RPA3: variants seen among roughly 807,000 people sequenced by gnomAD.
RPA3 encodes the protein replication protein A3.
RPA3 carries 24 observed loss-of-function variants against 13.7 expected under a neutral mutation model. The ratio of observed to expected loss-of-function variants is 1.75; its 90% CI spans 1.27 to 2.46. RPA3 has a LOEUF of 2.46. Ranked by LOEUF, RPA3 falls within the 30% of genes most tolerant of loss-of-function variation. The pLI is 0.00. For missense variants in RPA3, 183 were observed against 151.0 expected, an observed-to-expected ratio of 1.21 and a Z score of -1.11; for synonymous variants, 59 against 51.2, an observed-to-expected ratio of 1.15 and a Z score of -0.65.
At chr7:7,716,824 T>TA (rs1189147037) in intron 1 of RPA3, among the ~76,000 whole-genome samples, 3 of 152,104 alleles carry the variant, frequency 2.0e-5, no homozygotes, top group Non-Finnish European at 2.9e-5. Context: ...CGGGCGCCCA[T>TA]AATCCCAGCT....
chr7:7,642,261 A>G (rs1043581374), intron 4 of RPA3, among the ~76,000 whole-genome samples: 1 of 128,244 alleles, frequency 7.8e-6, no homozygotes. Flanking sequence ...CAGCCTGCCA[A>G]GTAGCTGGGA....
At chr7:7,680,370 G>T (rs1442756318) in intron 4 of RPA3, among the ~76,000 whole-genome samples, 2 of 152,042 alleles carry the variant, frequency 1.3e-5, no homozygotes, top group Non-Finnish European at 1.5e-5. Flanking sequence ...TTTATTCCTG[G>T]GTTCTGTATT....
intron 2 of RPA3, among the ~76,000 whole-genome samples, chr7:7,697,229 G>C (rs1054092747): frequency 6.6e-6 from 1 of 152,094 alleles, no homozygotes; most frequent in African/African-American, 2.4e-5. Flanking sequence ...AGTCCTGATT[G>C]GCTTTCTGAA....
chr7:7,718,436 T>C (rs1242701953), intron 1 of RPA3, 79 bp downstream of exon 1: 2 of 152,196 alleles, frequency 1.3e-5, no homozygotes, highest in Admixed American at 6.5e-5. Context: ...AACTTGACTA[T>C]GTGTGTCTTC....
chr7:7,654,858 G>A (rs1239875741), intron 4 of RPA3, among the ~76,000 whole-genome samples: 1 of 149,464 alleles, frequency 6.7e-6, no homozygotes, highest in African/African-American at 2.5e-5. Context: ...AGCCAAGATT[G>A]TGCCCCTGTA....
intron 1 of RPA3, 73 bp from the exon 2 acceptor site, chr7:7,715,299 A>T (rs565161136): frequency 1.3e-5 from 2 of 151,904 alleles, no homozygotes; most frequent in Non-Finnish European, 2.9e-5. Flanking sequence ...CAGTTTCATC[A>T]ATGATCTTGG....
intron 2 of RPA3, among the ~76,000 whole-genome samples, chr7:7,688,832 T>C (rs1780101276): frequency 6.6e-6 from 1 of 152,200 alleles, no homozygotes; most frequent in South Asian, 2.1e-4. Context: ...ATATTGTTAA[T>C]AGCTTTTGTA....
chr7:7,692,349 C>T (rs951273658), intron 2 of RPA3: 1 of 152,060 alleles, frequency 6.6e-6, no homozygotes, highest in Non-Finnish European at 1.5e-5. Context: ...CTCCTGCAGA[C>T]CACGTGGTAG....
intron 4 of RPA3, among the ~76,000 whole-genome samples, chr7:7,656,683 A>G (rs934095211): frequency 1.3e-5 from 2 of 152,162 alleles, no homozygotes; most frequent in Admixed American, 6.5e-5. Context: ...TCCATGGTGT[A>G]TATGTGCCAC....
chr7:7,699,698 A>G (rs1487432852), intron 2 of RPA3, among the ~76,000 whole-genome samples: 8 of 152,220 alleles, frequency 5.3e-5, no homozygotes, highest in Non-Finnish European at 1.0e-4. Context: ...GAGGGCAGAT[A>G]TATTTTTCAA....
chr7:7,662,864 TATA>T (rs552875986), intron 4 of RPA3, among the ~76,000 whole-genome samples: 178 of 152,320 alleles, frequency 1.2e-3, no homozygotes, highest in African/African-American at 3.9e-3. Context: ...AAAAGAAAGA[TATA>T]ATGATTTTGT....
chr7:7,644,494 C>T (rs1490930380), intron 4 of RPA3, among the ~76,000 whole-genome samples: 1 of 151,944 alleles, frequency 6.6e-6, no homozygotes, highest in Non-Finnish European at 1.5e-5. Context: ...TTCTATTTTT[C>T]CTAAAATGTT....
rs527372857 is a variant in RPA3 at position 7,648,616 on chromosome 7, C to T, written c.-757-7441G>A. On this transcript the variant is annotated intron_variant, in intron 4 of 7. Transcript: ENST00000223129. ...CTGTAATCCCAGCACTTTGGGAGGCCGAGGCAGGTAGATCCCTTGAATTCA... is the reference window on the plus strand; with the variant it reads ...CTGTAATCCCAGCACTTTGGGAGGCTGAGGCAGGTAGATCCCTTGAATTCA... 4.6e-5 allele frequency among the ~76,000 whole-genome samples: 7 copies of T among 152,000 alleles called. No individual in the cohort carries two copies. In the South Asian group the frequency reaches 6.2e-4, roughly 14 times the overall value.
chr7:7,642,261 A>C (rs1043581374), intron 4 of RPA3, among the ~76,000 whole-genome samples: 1 of 128,244 alleles, frequency 7.8e-6, no homozygotes, highest in Non-Finnish European at 1.6e-5. Context: ...CAGCCTGCCA[A>C]GTAGCTGGGA....
rs139256845 is a variant in RPA3 at position 7,674,335 on chromosome 7, A to G, written c.-758+11495T>C. Reference sequence around the variant, plus strand: ...GACTGGCATCTGCTAGCATCAGCCAATGCTCTGTAGGCTTTGAGAAATAAG... The same window carrying G: ...GACTGGCATCTGCTAGCATCAGCCAGTGCTCTGTAGGCTTTGAGAAATAAG... On this transcript the variant is annotated intron_variant, in intron 4 of 7. Transcript: ENST00000223129. 1.2e-4 allele frequency among the ~76,000 whole-genome samples: 19 copies of G among 152,334 alleles called. No homozygotes were observed. In the East Asian group the frequency reaches 3.7e-3, roughly 29 times the overall value.
chr7:7,673,575 A>T, intron 4 of RPA3: 1 of 618,766 alleles, frequency 1.6e-6, no homozygotes, highest in Middle Eastern at 3.9e-4. Flanking sequence ...TATGTGTTTA[A>T]TTTTTAAAGC....
At chr7:7,695,626 C>T (rs1483517166) in intron 2 of RPA3, among the ~76,000 whole-genome samples, 1 of 152,142 alleles carries the variant, frequency 6.6e-6, no homozygotes. Context: ...AATTTCTACT[C>T]ACAGGATCTG....
At chr7:7,644,783 C>CG (rs1424271105) in intron 4 of RPA3, among the ~76,000 whole-genome samples, 1 of 152,030 alleles carries the variant, frequency 6.6e-6, no homozygotes, top group Non-Finnish European at 1.5e-5. Context: ...GCTGTGTTCT[C>CG]GGGAATGTCT....
intron 4 of RPA3, among the ~76,000 whole-genome samples, chr7:7,672,120 C>A (rs1379452119): frequency 6.6e-6 from 1 of 152,170 alleles, no homozygotes; most frequent in Non-Finnish European, 1.5e-5. Context: ...CTCACCCTCC[C>A]TTCTTGGTTT....
Sources: gnomAD v4.1 joint callset for allele counts (sites outside exome capture counted in the v4.1 genomes callset) on GRCh38, gnomAD v4.1.1 for gene constraint, MANE v1.5 for transcripts, NCBI Gene and HGNC (gene_info 2026-07-23, HGNC 2026-07-21) for gene names.